PHKB: variants seen among roughly 807,000 people sequenced by gnomAD.
PHKB encodes the protein phosphorylase b kinase regulatory subunit beta.
PHKB carries 122 observed loss-of-function variants against 152.1 expected under a neutral mutation model. The ratio of observed to expected loss-of-function variants is 0.80; its 90% CI spans 0.69 to 0.93. PHKB has a LOEUF of 0.93. Among genes scored for constraint, PHKB ranks in the 40% least tolerant of loss-of-function variants. PHKB has a pLI of 0.00. For missense variants in PHKB, 1,304 were observed against 1,328.4 expected (o/e 0.98, Z 0.29); for synonymous variants, 436 against 464.9 (o/e 0.94, Z 0.80).
intron 6 of PHKB, among the ~76,000 whole-genome samples, chr16:47,538,746 A>G (rs963995309): frequency 2.0e-5 from 3 of 152,226 alleles, no homozygotes; most frequent in Non-Finnish European, 4.4e-5. Flanking sequence ...AGGAAGCACC[A>G]TTTTGAGAGG....
At chr16:47,598,730 T>G (rs990331320) in intron 13 of PHKB, 2 of 1,578,398 alleles carry the variant, frequency 1.3e-6, no homozygotes, top group African/African-American at 2.7e-5. Context: ...CTCATTTTTC[T>G]TGCCAGATTT....
chr16:47,547,342 C>A, intron 6 of PHKB, 91 bp from the exon 7 acceptor site: 1 of 774,950 alleles, frequency 1.3e-6, no homozygotes, highest in Non-Finnish European at 2.3e-6. Flanking sequence ...CTCAGCCTCC[C>A]AAATTGCTGG....
Position 47,499,902 on chromosome 16 carries a change from G to T in PHKB, c.305+8G>T. 1 of 1,614,092 alleles carries T rather than the reference G, an allele frequency of 6.2e-7. No individual in the cohort carries two copies. The highest frequency in any genetic ancestry group is 8.5e-7 in the Non-Finnish European group (1 of 1,179,978). Reference sequence around the variant, plus strand: ...TTTGGCTCTTGCATACAGGTGAGCTGGTGTGTGTTCTCCTCGTAACTTTGA... The same window carrying T: ...TTTGGCTCTTGCATACAGGTGAGCTTGTGTGTGTTCTCCTCGTAACTTTGA... On this transcript the variant is annotated splice_region_variant and intron_variant, in intron 3 of 30. Transcript: ENST00000323584.
At chr16:47,676,258 A>G (rs1973730848) in intron 26 of PHKB, 1 of 152,194 alleles carries the variant, frequency 6.6e-6, no homozygotes, top group Non-Finnish European at 1.5e-5. Flanking sequence ...TTGTAGCACA[A>G]TTTTAAAAGA....
chr16:47,477,288 G>A (rs768127081), intron 1 of PHKB, among the ~76,000 whole-genome samples: 2 of 152,062 alleles, frequency 1.3e-5, no homozygotes, highest in Non-Finnish European at 2.9e-5. Context: ...AAATCCTTCA[G>A]GTCATGGACA....
intron 1 of PHKB, among the ~76,000 whole-genome samples, chr16:47,464,566 A>G (rs545561070): frequency 1.3e-5 from 2 of 152,244 alleles, no homozygotes; most frequent in South Asian, 4.1e-4. Flanking sequence ...TGAGAGCTGG[A>G]TGAAAGCTAT....
chr16:47,689,032 T>A lies in PHKB; in HGVS notation c.2631-9T>A. The stretch of plus-strand genomic sequence containing the variant: ...GTTATTGATTCATGCTTCCCCTGTT[T>A]TGTTTCAGGTGGATCATCCATGCCA... On this transcript the variant is annotated splice_polypyrimidine_tract_variant and intron_variant, in intron 26 of 30. Transcript: ENST00000323584. 6.2e-7 allele frequency: 1 copy of A among 1,614,014 alleles called. No individual in the cohort carries two copies.
chr16:47,602,977 A>T (rs965451588), intron 13 of PHKB, among the ~76,000 whole-genome samples: 1 of 152,008 alleles, frequency 6.6e-6, no homozygotes, highest in Non-Finnish European at 1.5e-5. Flanking sequence ...CTGACAAACC[A>T]CTTCCTAATT....
intron 8 of PHKB, among the ~76,000 whole-genome samples, chr16:47,582,370 T>C (rs1971862116): frequency 6.6e-6 from 1 of 152,230 alleles, no homozygotes; most frequent in Non-Finnish European, 1.5e-5. Context: ...CTTTCAGTGC[T>C]CTACTTTTCC....
chr16:47,593,460 A>G, intron 10 of PHKB, 40 bp from the exon 11 acceptor site: 1 of 1,012,008 alleles, frequency 9.9e-7, no homozygotes, highest in Admixed American at 1.7e-5. Flanking sequence ...TAATAATTTA[A>G]TTGTTAGTGT....
At chr16:47,582,623 C>T (rs188041363) in intron 8 of PHKB, among the ~76,000 whole-genome samples, 14 of 152,158 alleles carry the variant, frequency 9.2e-5, no homozygotes, top group Admixed American at 9.2e-4. Context: ...TTTGGAACTT[C>T]TCAGGAATTC....
intron 13 of PHKB, among the ~76,000 whole-genome samples, chr16:47,602,258 A>G (rs919021490): frequency 2.0e-5 from 3 of 152,168 alleles, no homozygotes; most frequent in African/African-American, 7.2e-5. Flanking sequence ...GGTATTATTT[A>G]ATTTCCTTGG....
chr16:47,652,619 G>GT (rs950936263), intron 20 of PHKB, among the ~76,000 whole-genome samples: 16 of 151,104 alleles, frequency 1.1e-4, no homozygotes, highest in South Asian at 4.2e-4. Flanking sequence ...GTTGTGGGTT[G>GT]TTTTTTTTGT....
chr16:47,572,216 A>G (rs1388288983), intron 7 of PHKB, among the ~76,000 whole-genome samples: 5 of 152,048 alleles, frequency 3.3e-5, no homozygotes, highest in African/African-American at 1.2e-4. Context: ...CAGCATTTGG[A>G]CTCATGAGGG....
intron 20 of PHKB, among the ~76,000 whole-genome samples, chr16:47,653,892 T>C (rs1255291948): frequency 6.6e-6 from 1 of 152,174 alleles, no homozygotes; most frequent in African/African-American, 2.4e-5. Flanking sequence ...GGCAATTTCA[T>C]ATGGTTAAGG....
chr16:47,541,131 T>A lies in PHKB; in HGVS notation c.595-6302T>A, dbSNP rs548402497. On this transcript the variant is annotated intron_variant, in intron 6 of 30. Coordinates refer to ENST00000323584, the MANE Select transcript of PHKB (RefSeq NM_000293.3). ...CATTTACATTAGGTATTTCTCCTAA[T>A]GCTACCCCTTCCCCATCACACCACC... 3.9e-5 allele frequency among the ~76,000 whole-genome samples: 6 copies of A among 152,310 alleles called. No homozygotes were observed. The South Asian group carries it at 1.0e-3, about 26-fold the overall frequency.
intron 1 of PHKB, among the ~76,000 whole-genome samples, chr16:47,493,769 A>T (rs1270046897): frequency 6.6e-6 from 1 of 152,234 alleles, no homozygotes; most frequent in Non-Finnish European, 1.5e-5. Flanking sequence ...ACTGGTTTTT[A>T]AAATTACATG....
intron 26 of PHKB, among the ~76,000 whole-genome samples, chr16:47,688,110 A>G (rs1356294808): frequency 6.6e-6 from 1 of 152,240 alleles, no homozygotes; most frequent in African/African-American, 2.4e-5. Flanking sequence ...TGGGGGAGAA[A>G]GGCAGCATGG....
chr16:47,628,972 G>T (rs972307792), intron 14 of PHKB, among the ~76,000 whole-genome samples: 2 of 152,164 alleles, frequency 1.3e-5, no homozygotes, highest in Non-Finnish European at 2.9e-5. Flanking sequence ...CTAGCCATAT[G>T]TAGAAAGCTG....
Sources: allele counts gnomAD v4.1 joint callset (sites outside exome capture counted in the v4.1 genomes callset), GRCh38; gene constraint gnomAD v4.1.1; transcripts MANE v1.5; gene names NCBI Gene and HGNC (gene_info 2026-07-23, HGNC 2026-07-21).